RPGRIP1L: variants seen among roughly 807,000 people sequenced by gnomAD.
RPGRIP1L encodes protein fantom.
Under a neutral mutation model 160.4 loss-of-function variants are expected in RPGRIP1L, and 131 were observed. That is an observed-to-expected ratio of 0.82 (90% confidence interval 0.71 to 0.94). The LOEUF is 0.94. RPGRIP1L is among the 40% of genes least tolerant of loss of function. The pLI is 0.00. For missense variants in RPGRIP1L, 1,522 were observed against 1,535.8 expected (o/e 0.99, Z 0.15); for synonymous variants, 510 against 515.8 (o/e 0.99, Z 0.15).
chr16:53,657,086 T>C (rs887099858), intron 13 of RPGRIP1L, among the ~76,000 whole-genome samples: 1 of 151,842 alleles, frequency 6.6e-6, no homozygotes, highest in African/African-American at 2.4e-5. Context: ...ACTAAAAATA[T>C]AAAAATTAGC....
chr16:53,621,153 G>A (rs1224678026), intron 23 of RPGRIP1L, among the ~76,000 whole-genome samples: 1 of 152,054 alleles, frequency 6.6e-6, no homozygotes, highest in Non-Finnish European at 1.5e-5. Flanking sequence ...TATCTAAGTG[G>A]TTATTTTATT....
rs1041530116 is a variant in RPGRIP1L at position 53,626,315 on chromosome 16, C to T, written c.3295-3959G>A. Among the ~76,000 whole-genome samples, 3 of 152,180 alleles carry T rather than the reference C, an allele frequency of 2.0e-5. 1 individual carries two copies. The highest frequency in any genetic ancestry group is 7.2e-5 in the African/African-American group (3 of 41,442). On this transcript the variant is annotated intron_variant, in intron 22 of 26. Coordinates refer to ENST00000647211, the MANE Select transcript of RPGRIP1L (RefSeq NM_015272.5). ...TAGAGCAACATGACCGGTCATTCCT[C>T]TGCAGGCTACCAGCATCCTTTGATA...
intron 26 of RPGRIP1L, among the ~76,000 whole-genome samples, chr16:53,603,214 T>C (rs1963475008): frequency 1.3e-5 from 2 of 152,362 alleles, no homozygotes; most frequent in South Asian, 4.1e-4. Context: ...GGGATGCCGA[T>C]TCAATACCTG....
intron 25 of RPGRIP1L, among the ~76,000 whole-genome samples, chr16:53,606,412 T>C (rs1451716814): frequency 6.6e-6 from 1 of 152,162 alleles, no homozygotes; most frequent in Admixed American, 6.5e-5. Flanking sequence ...TCAAAATGTA[T>C]CCATCCCAAA....
chr16:53,655,210 T>A (rs7195320), intron 14 of RPGRIP1L, among the ~76,000 whole-genome samples: 7,375 of 152,304 alleles, frequency 0.048, 597 homozygotes, highest in African/African-American at 0.17. Context: ...GTTAAAAATT[T>A]AAAAAATTTT....
At chr16:53,609,650 T>C (rs1323970010) in intron 25 of RPGRIP1L, among the ~76,000 whole-genome samples, 1 of 152,082 alleles carries the variant, frequency 6.6e-6, no homozygotes, top group African/African-American at 2.4e-5. Flanking sequence ...TAGACAGCCA[T>C]GGCGCAGCTT....
At position 53,655,194 on chromosome 16, in the gene RPGRIP1L, C is replaced by T. The variant is rs1044642999; in HGVS notation, c.1699+1278G>A. On this transcript the variant is annotated intron_variant, in intron 14 of 26. Coordinates refer to ENST00000647211, the MANE Select transcript of RPGRIP1L (RefSeq NM_015272.5). ...TTAAGCCAGTCTCTAAGAAGATTTG[C>T]GAAATGTTAAAAATTTAAAAAATTT... Among the ~76,000 whole-genome samples, 15 of 151,966 alleles carry T rather than the reference C, an allele frequency of 9.9e-5. No homozygotes were observed. The South Asian group carries it at 1.2e-3, about 13-fold the overall frequency.
At chr16:53,684,285 C>A (rs1337842992) in intron 6 of RPGRIP1L, among the ~76,000 whole-genome samples, 3 of 152,106 alleles carry the variant, frequency 2.0e-5, no homozygotes, top group Non-Finnish European at 4.4e-5. Flanking sequence ...TATAAAGACA[C>A]ATGCACACGT....
intron 10 of RPGRIP1L, among the ~76,000 whole-genome samples, chr16:53,660,983 A>G (rs1268607021): frequency 1.3e-5 from 2 of 151,760 alleles, no homozygotes; most frequent in South Asian, 2.1e-4. Context: ...TAAATTGCTT[A>G]TATCTAGTTT....
intron 14 of RPGRIP1L, 46 bp from the exon 15 acceptor site, chr16:53,653,033 G>T: frequency 1.3e-6 from 2 of 1,514,762 alleles, no homozygotes; most frequent in South Asian, 1.1e-5. Context: ...ATATTGACAT[G>T]AGAAAATGAA....
At chr16:53,674,769 G>A (rs938048048) in intron 7 of RPGRIP1L, among the ~76,000 whole-genome samples, 4 of 151,806 alleles carry the variant, frequency 2.6e-5, no homozygotes, top group Non-Finnish European at 5.9e-5. Flanking sequence ...TAATAAATAT[G>A]GTTATTATTT....
rs1047549824 is a variant in RPGRIP1L, at chr16:53,638,650, C to CA, written c.2959-240dup. On this transcript the variant is annotated intron_variant, in intron 19 of 26. Transcript: ENST00000647211. ...TTCATTGAAGCACTGTTTACAATAG[C>CA]AAAAAAAAACTGAGAGCAATGCAAA... 2.0e-3 allele frequency among the ~76,000 whole-genome samples: 288 copies of CA among 145,466 alleles called. 1 individual carries two copies. Among genetic ancestry groups the CA allele is most frequent in the African/African-American group, 5.9e-3 (233 of 39,612 alleles).
At chr16:53,626,981 G>A (rs573244946) in intron 22 of RPGRIP1L, among the ~76,000 whole-genome samples, 2 of 151,996 alleles carry the variant, frequency 1.3e-5, no homozygotes, top group Non-Finnish European at 2.9e-5. Flanking sequence ...TATAGCTCTC[G>A]TGATTTTGGC....
At position 53,644,866 on chromosome 16, in the gene RPGRIP1L, G is replaced by A. The variant is rs370942300; in HGVS notation, c.2683+759C>T. Among the ~76,000 whole-genome samples the A allele has an allele frequency of 4.7e-4, 71 of 152,228 alleles. 2 individuals carry two copies. In the East Asian group the frequency reaches 0.014, roughly 29 times the overall value. On this transcript the variant is annotated intron_variant, in intron 17 of 26. Coordinates refer to ENST00000647211, the MANE Select transcript of RPGRIP1L (RefSeq NM_015272.5). ...TCTTCAGGCTGAAGGAAAGAGACAG[G>A]AAATGGTAACTCAAATCCACACAAA...
chr16:53,697,442 G>A (rs905625405), intron 2 of RPGRIP1L, among the ~76,000 whole-genome samples: 4 of 151,950 alleles, frequency 2.6e-5, no homozygotes, highest in Non-Finnish European at 5.9e-5. Context: ...CTGCCATCTC[G>A]GCTCACTGCA....
At chr16:53,619,309 G>T in intron 23 of RPGRIP1L, 101 bp from the exon 24 acceptor site, 1 of 1,021,128 alleles carries the variant, frequency 9.8e-7, no homozygotes, top group Non-Finnish European at 1.5e-6. Flanking sequence ...AAACACGAAG[G>T]CCAATGGGCT....
intron 24 of RPGRIP1L, among the ~76,000 whole-genome samples, chr16:53,615,378 A>T (rs1246048113): frequency 2.0e-5 from 3 of 151,618 alleles, no homozygotes; most frequent in Non-Finnish European, 4.4e-5. Context: ...AATAAAATAC[A>T]AATGTTTTGT....
At chr16:53,641,787 G>A (rs1220326344) in intron 17 of RPGRIP1L, among the ~76,000 whole-genome samples, 1 of 152,126 alleles carries the variant, frequency 6.6e-6, no homozygotes. Flanking sequence ...TTAATTCACT[G>A]AAATTAAATT....
At chr16:53,673,885 A>C (rs776223639) in intron 7 of RPGRIP1L, among the ~76,000 whole-genome samples, 9 of 152,320 alleles carry the variant, frequency 5.9e-5, no homozygotes, top group South Asian at 2.1e-4. Context: ...CCTGTACTAC[A>C]GCAGACACCT....
Sources: gnomAD v4.1 joint callset for allele counts (sites outside exome capture counted in the v4.1 genomes callset) on GRCh38, gnomAD v4.1.1 for gene constraint, MANE v1.5 for transcripts, NCBI Gene and HGNC (gene_info 2026-07-23, HGNC 2026-07-21) for gene names.